The following KNL1 variants were observed in gnomAD, a reference collection of about 807,000 sequenced individuals.
The protein encoded by KNL1 is kinetochore scaffold 1.
In KNL1, 66 loss-of-function variants were observed where a neutral mutation model predicts 201.3. That is an observed-to-expected ratio of 0.33 (90% CI 0.27 to 0.40). KNL1 has a LOEUF of 0.40. KNL1 is among the 10% of genes least tolerant of loss of function. KNL1 has a pLI of 1.00. For missense variants in KNL1, 2,815 were observed against 2,690.5 expected (o/e 1.05, Z -1.02); for synonymous variants, 895 against 899.2 (o/e 1.00, Z 0.08).
At chr15:40,598,012 G>A (rs1566996666) in intron 1 of KNL1, among the ~76,000 whole-genome samples, 1 of 152,008 alleles carries the variant, frequency 6.6e-6, no homozygotes, top group Admixed American at 6.6e-5. Context: ...TCTACTAAAA[G>A]TACAAAAATT....
rs562947305 is a variant in KNL1 at position 40,595,978 on chromosome 15, C to T, written c.-18+1586C>T. Among the ~76,000 whole-genome samples, 4 of 152,208 alleles carry T rather than the reference C, an allele frequency of 2.6e-5. No individual in the cohort carries two copies. In the East Asian group the frequency reaches 7.7e-4, roughly 29 times the overall value. On this transcript the variant is annotated intron_variant, in intron 1 of 25. Coordinates refer to ENST00000399668, the MANE Select transcript of KNL1 (RefSeq NM_144508.5). ...GGCTACATGGTCTTTGTCACATATT[C>T]TTTGTTTAGTTGTTATTGCTTGCCT...
intron 21 of KNL1, among the ~76,000 whole-genome samples, 200 bp downstream of exon 21, chr15:40,652,305 T>C (rs1567021626): frequency 6.6e-6 from 1 of 152,170 alleles, no homozygotes; most frequent in African/African-American, 2.4e-5. Flanking sequence ...TTAGTGAACG[T>C]TGCCCTTTGT....
In KNL1 at chr15:40,620,713, A is replaced by G. The variant is rs768851272; in HGVS notation, c.449A>G (p.Gln150Arg). ...DQTVIFSDENQMDLTSSHTVM... is the reference protein window; with the variant it reads ...DQTVIFSDENRMDLTSSHTVM... The stretch of plus-strand genomic sequence containing the variant: ...ACAGTCATTTTTTCAGATGAAAACC[A>G]GATGGACCTGACATCAAGTCACACT... The change falls in exon 10 of 26, where the codon CAG (glutamine) becomes CGG (arginine). Residue 150 changes from glutamine (Q) to arginine (R), a missense_variant. Transcript: ENST00000399668. The G allele has an allele frequency of 6.2e-7, 1 of 1,608,334 alleles. No homozygotes were observed. The highest frequency in any genetic ancestry group is 2.2e-5 in the East Asian group (1 of 44,832).
chr15:40,609,145 C>A (rs542018866), intron 5 of KNL1, among the ~76,000 whole-genome samples: 2 of 151,540 alleles, frequency 1.3e-5, no homozygotes, highest in South Asian at 4.2e-4. Context: ...TGCTGGCTCA[C>A]GCCTGTAATC....
chr15:40,608,713 C>G, intron 4 of KNL1, 134 bp from the exon 5 acceptor site: 2 of 581,496 alleles, frequency 3.4e-6, no homozygotes, highest in Admixed American at 6.1e-5. Context: ...CCGTTGCACT[C>G]CAGTCTGGGC....
chr15:40,659,241 G>C lies in KNL1; in HGVS notation c.6714-98G>C, dbSNP rs547900730. ...AATTGTGCACTGCACTCCAGCCTGG[G>C]CGATAGAGCAAGACTCCGTCTCAAA... On this transcript the variant is annotated intron_variant, in intron 24 of 25. Coordinates refer to ENST00000399668, the MANE Select transcript of KNL1 (RefSeq NM_144508.5). 4.6e-6 allele frequency: 5 copies of C among 1,076,090 alleles called. No homozygotes were observed. In the African/African-American group the frequency reaches 8.1e-5, roughly 17 times the overall value. 66.7% of individuals were successfully genotyped at this position (1,076,090 alleles called of 1,614,324 possible). A position where few individuals can be genotyped will look rare whatever the true frequency, so the allele number is the denominator to read the frequency against.
intron 13 of KNL1, among the ~76,000 whole-genome samples, chr15:40,638,584 C>T (rs753988098): frequency 7.2e-5 from 11 of 151,876 alleles, no homozygotes; most frequent in Non-Finnish European, 1.6e-4. Context: ...CTCCGCCTCC[C>T]GGGTTCAAGT....
At chr15:40,658,527 C>CAA (rs35756393) in intron 24 of KNL1, among the ~76,000 whole-genome samples, 4 of 8,728 alleles carry the variant, frequency 4.6e-4, no homozygotes, top group Non-Finnish European at 8.9e-4. Flanking sequence ...GACTCCATCT[C>CAA]AAAAAAAAAA....
intron 14 of KNL1, 46 bp from the exon 15 acceptor site, chr15:40,644,951 T>G (rs1457428315): frequency 1.2e-5 from 15 of 1,239,518 alleles, no homozygotes; most frequent in Non-Finnish European, 1.8e-5. Flanking sequence ...AACAGTCTGA[T>G]CTCTTTCTTT....
rs756828510 is a variant in KNL1, at chr15:40,625,558, T to A, written c.5294T>A (p.Val1765Glu). 1.4e-5 allele frequency: 22 copies of A among 1,606,806 alleles called. No individual in the cohort carries two copies. Among genetic ancestry groups the A allele is most frequent in the Non-Finnish European group, 1.8e-5 (21 of 1,178,200 alleles). The change falls in exon 10 of 26, where the codon GTA (valine) becomes GAA (glutamate). Residue 1765 changes from valine (V) to glutamate (E), a missense_variant. This residue lies in a region of KNL1 where 2,464 missense variants were observed against 2,291.7 expected (regional missense o/e 1.08). Coordinates refer to ENST00000399668, the MANE Select transcript of KNL1 (RefSeq NM_144508.5). Reference protein sequence around the residue: ...KTCNSQKRTWVQEEEDIHKEK... With the variant: ...KTCNSQKRTWEQEEEDIHKEK... ...TGCAATAGCCAAAAAAGAACGTGGG[T>A]ACAAGAAGAAGAAGATATTCATAAG...
chr15:40,657,707 G>T (rs1893775237), intron 24 of KNL1, among the ~76,000 whole-genome samples: 1 of 152,164 alleles, frequency 6.6e-6, no homozygotes, highest in Non-Finnish European at 1.5e-5. Flanking sequence ...TTGACATGGT[G>T]TCTTTCATTG....
chr15:40,609,420 A>G (rs1400059614), intron 5 of KNL1, among the ~76,000 whole-genome samples: 1 of 152,132 alleles, frequency 6.6e-6, no homozygotes, highest in Non-Finnish European at 1.5e-5. Context: ...GTCTCAAAAA[A>G]GAAAAAAGAA....
At chr15:40,644,784 C>T (rs1364247907) in intron 14 of KNL1, among the ~76,000 whole-genome samples, 2 of 152,226 alleles carry the variant, frequency 1.3e-5, no homozygotes, top group Non-Finnish European at 2.9e-5. Flanking sequence ...TCATACAACA[C>T]ATGTTTTTGT....
chr15:40,644,922 C>CT (rs1893340748), intron 14 of KNL1, 75 bp from the exon 15 acceptor site: 2 of 880,404 alleles, frequency 2.3e-6, no homozygotes, highest in African/African-American at 3.4e-5. Flanking sequence ...TACGTCTTTC[C>CT]TTTCTACATA....
chr15:40,627,895 CT>C (rs1892799718), intron 10 of KNL1, among the ~76,000 whole-genome samples, 174 bp from the exon 11 acceptor site: 1 of 152,176 alleles, frequency 6.6e-6, no homozygotes, highest in Non-Finnish European at 1.5e-5. Context: ...AATAAAATTA[CT>C]TTTAACTCTA....
chr15:40,620,446 C>T (rs955211576), intron 9 of KNL1, among the ~76,000 whole-genome samples, 194 bp from the exon 10 acceptor site: 1 of 152,074 alleles, frequency 6.6e-6, no homozygotes, highest in Admixed American at 6.6e-5. Context: ...CTCCTGCCCT[C>T]GTGATCCACC....
chr15:40,607,212 T>C (rs1892004883), intron 4 of KNL1, among the ~76,000 whole-genome samples: 3 of 152,258 alleles, frequency 2.0e-5, no homozygotes, highest in Admixed American at 6.5e-5. Context: ...TCTTTTTTCA[T>C]GTCAGATGTA....
At chr15:40,615,412 G>A (rs1892305921) in intron 8 of KNL1, 34 bp downstream of exon 8, 1 of 601,978 alleles carries the variant, frequency 1.7e-6, no homozygotes, top group African/African-American at 2.0e-5. Context: ...CTTATAGTAA[G>A]ATAGTCTATT....
chr15:40,637,721 G>A (rs1026690358), intron 13 of KNL1, among the ~76,000 whole-genome samples: 2 of 152,058 alleles, frequency 1.3e-5, no homozygotes, highest in East Asian at 1.9e-4. Context: ...ATATATATAA[G>A]CTTTGTTTCA....
Sources: gnomAD v4.1 joint callset for allele counts (sites outside exome capture counted in the v4.1 genomes callset) on GRCh38, gnomAD v4.1.1 for gene constraint, gnomAD v4.1.1 regional missense constraint, MANE v1.5 for transcripts, NCBI Gene and HGNC (gene_info 2026-07-23, HGNC 2026-07-21) for gene names.